Variants in HTT observed in about 807,000 individuals in gnomAD.
HTT encodes huntington disease protein.
HTT carries 104 observed loss-of-function variants against 362.3 expected under a neutral mutation model. The observed-to-expected ratio is 0.29, with a 90% CI of 0.24 to 0.34. The LOEUF is 0.34. Ranked by LOEUF, HTT falls within the 10% of genes least tolerant of loss-of-function variation. The pLI is 1.00. For missense variants in HTT, 3,301 were observed against 3,928.6 expected (o/e 0.84, Z 4.27); for synonymous variants, 1,577 against 1,548.7 (o/e 1.02, Z -0.43).
chr4:3,220,831 T>C (rs1423167057), intron 53 of HTT, among the ~76,000 whole-genome samples: 1 of 152,178 alleles, frequency 6.6e-6, no homozygotes, highest in Non-Finnish European at 1.5e-5. Flanking sequence ...CCAGCCCTCC[T>C]ACCTGAGCAG....
chr4:3,088,360 G>C (rs1713323256), intron 2 of HTT, among the ~76,000 whole-genome samples: 1 of 150,648 alleles, frequency 6.6e-6, no homozygotes, highest in Admixed American at 6.6e-5. Flanking sequence ...CTAATTTTTT[G>C]TATTTTTAGT....
chr4:3,135,771 T>G, intron 19 of HTT, 133 bp from the exon 20 acceptor site: 1 of 533,754 alleles, frequency 1.9e-6, no homozygotes, highest in Non-Finnish European at 3.3e-6. Flanking sequence ...CCATTGGCCT[T>G]TTTTGTTGTT....
chr4:3,148,115 C>G lies in HTT; in HGVS notation c.3406C>G (p.Pro1136Ala). The G allele has an allele frequency of 6.2e-7, 1 of 1,613,994 alleles. No individual in the cohort carries two copies. Among genetic ancestry groups the G allele is most frequent in the Non-Finnish European group, 8.5e-7 (1 of 1,179,938 alleles). ...WPALGDRALV[P>A]MVEQLFSHLL... is the part of the protein sequence containing the mutation. ...AGCCCTGGGGGACCGGGCCCTGGTG[C>G]CCATGGTGGAGCAGCTCTTCTCTCA... The change falls in exon 26 of 67, where the codon CCC becomes GCC. Residue 1136 changes from proline (P) to alanine (A), a missense_variant. Physicochemically the swap from Pro to Ala is conservative, Grantham distance 27. Coordinates refer to ENST00000355072, the MANE Select transcript of HTT (RefSeq NM_001388492.1).
chr4:3,180,736 GTT>G (rs1200125628), intron 36 of HTT, 85 bp downstream of exon 36: 5 of 1,071,434 alleles, frequency 4.7e-6, no homozygotes, highest in Non-Finnish European at 6.1e-6. Context: ...AACGCTCACT[GTT>G]AACTGTGTTA....
chr4:3,116,322 G>A lies in HTT; in HGVS notation c.1068+59G>A, dbSNP rs1049739042. The A allele has an allele frequency of 7.0e-6, 10 of 1,427,876 alleles. No individual in the cohort carries two copies. In the Admixed American group the frequency reaches 1.1e-4, roughly 15 times the overall value. 88.5% of individuals were successfully genotyped at this position (1,427,876 alleles called of 1,614,324 possible). On this transcript the variant is annotated intron_variant, in intron 8 of 66. Transcript: ENST00000355072. ...GTGAATGACTGACATTCAAAGAACC[G>A]ATTAATTTGGAAGAGAAGCGGCAGA...
At chr4:3,176,025 G>GTTTTTTTTTTTTTTTTTTTT (rs777646822) in intron 33 of HTT, among the ~76,000 whole-genome samples, 1 of 139,130 alleles carries the variant, frequency 7.2e-6, no homozygotes. Context: ...GTTGTTGTTT[G>GTTTTTTTTTTTTTTTTTTTT]TTTTTTTTTG....
chr4:3,187,491 T>C (rs913874534), intron 38 of HTT, among the ~76,000 whole-genome samples, 160 bp from the exon 39 acceptor site: 2 of 152,228 alleles, frequency 1.3e-5, no homozygotes, highest in African/African-American at 4.8e-5. Flanking sequence ...GTGAAACTAA[T>C]GCCTGCTTTT....
At chr4:3,110,708 C>A (rs1356429407) in intron 6 of HTT, among the ~76,000 whole-genome samples, 3 of 152,154 alleles carry the variant, frequency 2.0e-5, no homozygotes, top group African/African-American at 7.2e-5. Context: ...TTAAAATCTC[C>A]AACGTGACCC....
At chr4:3,224,192 G>A in intron 56 of HTT, 61 bp downstream of exon 56, 2 of 1,561,342 alleles carry the variant, frequency 1.3e-6, no homozygotes, top group Non-Finnish European at 1.8e-6. Context: ...GAGAAGACTG[G>A]CATGCTCACC....
Position 3,122,927 on chromosome 4 carries a change from A to C in HTT, c.1312A>C (p.Lys438Gln). The change falls in exon 10 of 67, where the codon AAA becomes CAA. Residue 438 changes from lysine to glutamine, a missense_variant. Transcript: ENST00000355072. Reference protein sequence around the residue: ...GSSCSPVLSRKQKGKVLLGEE... With the variant: ...GSSCSPVLSRQQKGKVLLGEE... Reference sequence around the variant, plus strand: ...CTCATGCAGCCCTGTCCTTTCAAGAAAACAAAAAGGTGATTATTTCAGAAA... The same window carrying C: ...CTCATGCAGCCCTGTCCTTTCAAGACAACAAAAAGGTGATTATTTCAGAAA... 1 of 1,611,350 alleles carries C rather than the reference A, an allele frequency of 6.2e-7. No individual in the cohort carries two copies. Among genetic ancestry groups the C allele is most frequent in the Non-Finnish European group, 8.5e-7 (1 of 1,178,516 alleles).
In HTT at chr4:3,220,241, G is replaced by A. The variant is rs770222548; in HGVS notation, c.7302G>A (p.Glu2434=). The A allele has an allele frequency of 6.2e-6, 10 of 1,614,000 alleles. No individual in the cohort carries two copies. The South Asian group carries it at 9.9e-5, about 16-fold the overall frequency. ...PGGDFGTAFP[E]IPVEFLQEKE... The stretch of plus-strand genomic sequence containing the variant: ...GGGATTTTGGCACAGCATTCCCTGA[G>A]ATCCCCGTGGAGTTCCTCCAGGAAA... Residue 2434 remains glutamate (E), a synonymous_variant, in exon 53 of 67, where the codon GAG becomes GAA. Coordinates refer to ENST00000355072, the MANE Select transcript of HTT (RefSeq NM_001388492.1).
In HTT at chr4:3,209,863, A is replaced by T; in HGVS notation, c.6328A>T (p.Thr2110Ser). The change falls in exon 47 of 67, where the codon ACC becomes TCC. Residue 2110 changes from threonine (T) to serine (S), a missense_variant. By Grantham distance (58) the Thr-to-Ser change is moderately conservative. Transcript: ENST00000355072. ...YVHLVKSQCW[T>S]RSDSALLEGA... ...TCATCTTGTCAAATCCCAGTGTTGGACCAGGTCAGATTCTGCACTGCTGGA... is the reference window on the plus strand; with the variant it reads ...TCATCTTGTCAAATCCCAGTGTTGGTCCAGGTCAGATTCTGCACTGCTGGA... 6.2e-7 allele frequency: 1 copy of T among 1,614,090 alleles called. No homozygotes were observed. Among genetic ancestry groups the T allele is most frequent in the African/African-American group, 1.3e-5 (1 of 75,034 alleles).
chr4:3,208,868 A>T lies in HTT; in HGVS notation c.6248A>T (p.Asp2083Val). 1 of 1,614,056 alleles carries T rather than the reference A, an allele frequency of 6.2e-7. No homozygotes were observed. The highest frequency in any genetic ancestry group is 8.5e-7 in the Non-Finnish European group (1 of 1,179,976). Residue 2083 changes from aspartate (D) to valine (V), a missense_variant, in exon 46 of 67, where the codon GAC (aspartate) becomes GTC (valine). Physicochemically the swap from Asp to Val is radical, Grantham distance 152 (BLOSUM62 -3). Coordinates refer to ENST00000355072, the MANE Select transcript of HTT (RefSeq NM_001388492.1). ...CCTCCAGTCTCTTCCCACCCGCTGG[A>T]CGGGGATGGGCACGTGTCACTGGAA... Reference protein sequence around the residue: ...PSPPVSSHPLDGDGHVSLETV... With the variant: ...PSPPVSSHPLVGDGHVSLETV...
chr4:3,113,476 C>G (rs545172514), intron 6 of HTT, among the ~76,000 whole-genome samples: 1 of 152,082 alleles, frequency 6.6e-6, no homozygotes, highest in African/African-American at 2.4e-5. Flanking sequence ...ACTGCAGGTG[C>G]GTACCACCAT....
At chr4:3,163,196 G>A (rs1361825479) in intron 29 of HTT, among the ~76,000 whole-genome samples, 1 of 152,182 alleles carries the variant, frequency 6.6e-6, no homozygotes, top group Non-Finnish European at 1.5e-5. Context: ...TATGGTTTTT[G>A]TTGTTGGTTC....
chr4:3,225,880 T>G (rs1720888268), intron 57 of HTT, 137 bp downstream of exon 57: 6 of 639,944 alleles, frequency 9.4e-6, no homozygotes, highest in Non-Finnish European at 1.4e-5. Flanking sequence ...AAAAATTTAA[T>G]GTTCATTGTT....
In HTT at chr4:3,228,847, A is replaced by T. The variant is rs372593297; in HGVS notation, c.7980-33A>T. The T allele has an allele frequency of 3.1e-5, 50 of 1,596,462 alleles. No individual in the cohort carries two copies. The African/African-American group carries it at 6.4e-4, about 21-fold the overall frequency. ...TTGAAATGAGCCTCTCATCTCATGT[A>T]CTTGGAAAATACCCATCTCGCATAT... On this transcript the variant is annotated intron_variant, in intron 58 of 66. Coordinates refer to ENST00000355072, the MANE Select transcript of HTT (RefSeq NM_001388492.1). The surrounding 1 kb of genome is among the most constrained non-coding windows in gnomAD (Gnocchi z 4.3).
chr4:3,171,217 G>C, intron 29 of HTT, among the ~76,000 whole-genome samples: 1 of 152,136 alleles, frequency 6.6e-6, no homozygotes, highest in East Asian at 1.9e-4. Flanking sequence ...GAGCATATCA[G>C]AATTTTAAAA....
At chr4:3,115,783 C>G (rs1714991649) in intron 7 of HTT, among the ~76,000 whole-genome samples, 1 of 152,220 alleles carries the variant, frequency 6.6e-6, no homozygotes, top group Non-Finnish European at 1.5e-5. Flanking sequence ...GGTCAGTTGA[C>G]AGTTTCTCCT....
Sources: allele counts gnomAD v4.1 joint callset (sites outside exome capture counted in the v4.1 genomes callset), GRCh38; gene constraint gnomAD v4.1.1; non-coding constraint Gnocchi (gnomAD v3.1); transcripts MANE v1.5; gene names NCBI Gene and HGNC (gene_info 2026-07-23, HGNC 2026-07-21).